SMG6: variants seen among roughly 807,000 people sequenced by gnomAD.
SMG6 encodes the protein SMG6 nonsense mediated mRNA decay factor.
In SMG6, 66 loss-of-function variants were observed where a neutral mutation model predicts 142.2. The observed-to-expected ratio is 0.46, with a 90% CI of 0.38 to 0.57. The LOEUF is 0.57. SMG6 is among the 20% of genes least tolerant of loss of function. The pLI, the probability that SMG6 is intolerant of heterozygous loss-of-function variation, is 0.00. For synonymous variants in SMG6, 779 were observed against 702.4 expected (o/e 1.11, Z -1.72); for missense variants, 1,793 against 1,832.0 (o/e 0.98, Z 0.39).
At chr17:2,205,908 A>T (rs2072664368) in intron 10 of SMG6, among the ~76,000 whole-genome samples, 1 of 152,150 alleles carries the variant, frequency 6.6e-6, no homozygotes, top group African/African-American at 2.4e-5. Flanking sequence ...TCCCGAGCTC[A>T]AGCAATTCCC....
intron 14 of SMG6, among the ~76,000 whole-genome samples, chr17:2,083,715 G>A (rs1306600706): frequency 6.6e-6 from 1 of 152,228 alleles, no homozygotes; most frequent in Non-Finnish European, 1.5e-5. Context: ...AGCCCATGGG[G>A]GAACACTGCC....
intron 6 of SMG6, among the ~76,000 whole-genome samples, chr17:2,285,058 G>A (rs920185333): frequency 6.6e-6 from 1 of 152,008 alleles, no homozygotes; most frequent in African/African-American, 2.4e-5. Context: ...TTTCTTAGTG[G>A]AACAGAAGAT....
rs930766535 is a variant in SMG6, at chr17:2,071,624, C to T, written c.3682-2693G>A. Among the ~76,000 whole-genome samples the T allele has an allele frequency of 1.3e-5, 2 of 152,208 alleles. No individual in the cohort carries two copies. The highest frequency in any genetic ancestry group is 4.8e-5 in the African/African-American group (2 of 41,450). ...CCGCAGACAACTTCCCTTAACCTGG[C>T]TCTGCCCAGTGAGTCACCAAACAAC... On this transcript the variant is annotated intron_variant, in intron 15 of 18. Transcript: ENST00000263073. The surrounding 1 kb of genome is among the most constrained non-coding windows in gnomAD (Gnocchi z 5.6).
intron 10 of SMG6, 122 bp downstream of exon 10, chr17:2,236,370 G>T: frequency 1.1e-6 from 1 of 871,116 alleles, no homozygotes; most frequent in South Asian, 1.8e-5. Flanking sequence ...CGTAGGGTAG[G>T]GTGTGTGTGT....
rs997269523 is a variant in SMG6 at position 2,088,229 on chromosome 17, C to T, written c.3358-2328G>A. The T allele has an allele frequency of 5.6e-5, 55 of 985,346 alleles. No homozygotes were observed. The Middle Eastern group carries it at 3.1e-3, about 56-fold the overall frequency. The allele number at this position is 985,346 out of a possible 1,614,324, so 61.0% of individuals were successfully genotyped here. ...AGAGCACGGGCTACATGGTATGCTG[C>T]GTGGCTAAGAAAGCATGGTTTCTGG... On this transcript the variant is annotated intron_variant, in intron 13 of 18. Coordinates refer to ENST00000263073, the MANE Select transcript of SMG6 (RefSeq NM_017575.5).
rs529851798 is a variant in SMG6, at chr17:2,125,487, A to G, written c.3358-39586T>C. Among the ~76,000 whole-genome samples the G allele has an allele frequency of 2.0e-5, 3 of 152,370 alleles. No individual in the cohort carries two copies. In the East Asian group the frequency reaches 5.8e-4, roughly 29 times the overall value. On this transcript the variant is annotated intron_variant, in intron 13 of 18. Transcript: ENST00000263073. ...ACAAATTTAAATTTCCTAAAATTGA[A>G]TATAATTAAAAACGGAGTTCCAATA...
At chr17:2,133,800 T>TAAA (rs1238931017) in intron 13 of SMG6, among the ~76,000 whole-genome samples, 6 of 152,236 alleles carry the variant, frequency 3.9e-5, no homozygotes, top group African/African-American at 9.6e-5. Context: ...ATAGAACTTT[T>TAAA]ACGTAAAACC....
intron 6 of SMG6, 51 bp from the exon 7 acceptor site, chr17:2,283,786 C>T (rs772351314): frequency 7.2e-7 from 1 of 1,395,952 alleles, no homozygotes; most frequent in Non-Finnish European, 1.0e-6. Flanking sequence ...GTCCTAACTC[C>T]AGCAAGAGGC....
intron 12 of SMG6, among the ~76,000 whole-genome samples, chr17:2,178,568 G>A (rs2071714863): frequency 6.6e-6 from 1 of 152,162 alleles, no homozygotes; most frequent in Admixed American, 6.5e-5. Flanking sequence ...TTCTAAGCAG[G>A]GCAGCTGGAA....
At chr17:2,265,604 T>C (rs2074407400) in intron 8 of SMG6, among the ~76,000 whole-genome samples, 1 of 152,164 alleles carries the variant, frequency 6.6e-6, no homozygotes, top group South Asian at 2.1e-4. Flanking sequence ...CATTCACCTC[T>C]CCCAGCTTTT....
chr17:2,173,845 CTTTTTTT>C (rs35215989), intron 12 of SMG6, among the ~76,000 whole-genome samples: 8 of 74,828 alleles, frequency 1.1e-4, no homozygotes, highest in South Asian at 5.1e-4. Context: ...ATCCATAAAG[CTTTTTTT>C]TTTTTTTTTT....
At chr17:2,303,501 G>C in intron 1 of SMG6, 132 bp downstream of exon 1, 1 of 1,327,114 alleles carries the variant, frequency 7.5e-7, no homozygotes, top group South Asian at 2.0e-5. Context: ...GGTCCGCCGC[G>C]GCCCCAGCGC....
At chr17:2,217,316 A>G (rs2073047417) in intron 10 of SMG6, among the ~76,000 whole-genome samples, 1 of 152,112 alleles carries the variant, frequency 6.6e-6, no homozygotes, top group South Asian at 2.1e-4. Context: ...AACATGTTTA[A>G]TTCTACCATC....
intron 13 of SMG6, among the ~76,000 whole-genome samples, chr17:2,103,681 G>C (rs2069074182): frequency 6.6e-6 from 1 of 152,278 alleles, no homozygotes; most frequent in South Asian, 2.1e-4. Flanking sequence ...CGCTCTTCTT[G>C]TGAGCTGTTT....
intron 10 of SMG6, among the ~76,000 whole-genome samples, chr17:2,205,222 CCAT>C (rs1261325334): frequency 3.3e-5 from 5 of 152,102 alleles, no homozygotes; most frequent in Admixed American, 3.3e-4. Flanking sequence ...GTGCTCACCA[CCAT>C]GTCTGGCTAA....
intron 13 of SMG6, among the ~76,000 whole-genome samples, chr17:2,093,414 T>C (rs908040578): frequency 2.0e-5 from 3 of 151,814 alleles, no homozygotes; most frequent in African/African-American, 7.3e-5. Context: ...CAGAGTGATA[T>C]CGTGACTCAA....
rs759683194 is a variant in SMG6 at position 2,065,560 on chromosome 17, C to T, written c.3955G>A (p.Glu1319Lys). Residue 1319 changes from glutamate (E) to lysine (K), a missense_variant, in exon 17 of 19, where the codon GAG becomes AAG. Around this residue, in one of 3 missense-constraint regions of SMG6, gnomAD observed 179 missense variants for 212.6 expected, o/e 0.84. Transcript: ENST00000263073. ...GCTCGCAGGCAAGAGTCCCGACTCT[C>T]GAATCGCTGCTCGAGGAACTCGATG... The part of the protein sequence containing the change: ...KSIEFLEQRF[E>K]SRDSCLRALT... 1.1e-5 allele frequency: 17 copies of T among 1,613,968 alleles called. No individual in the cohort carries two copies. The highest frequency in any genetic ancestry group is 2.2e-5 in the East Asian group (1 of 44,894).
intron 8 of SMG6, among the ~76,000 whole-genome samples, chr17:2,275,472 C>T (rs1220320010): frequency 6.6e-6 from 1 of 152,096 alleles, no homozygotes; most frequent in Non-Finnish European, 1.5e-5. Flanking sequence ...CTATCAACCA[C>T]TCCCAATCCT....
intron 6 of SMG6, among the ~76,000 whole-genome samples, chr17:2,288,260 G>T (rs1272864450): frequency 6.6e-6 from 1 of 152,006 alleles, no homozygotes; most frequent in Non-Finnish European, 1.5e-5. Context: ...GTTACAGTGA[G>T]CCAAGATCGT....
Sources: allele counts gnomAD v4.1 joint callset (sites outside exome capture counted in the v4.1 genomes callset), GRCh38; gene constraint gnomAD v4.1.1; regional missense constraint gnomAD v4.1.1; non-coding constraint Gnocchi (gnomAD v3.1); transcripts MANE v1.5; gene names NCBI Gene and HGNC (gene_info 2026-07-23, HGNC 2026-07-21).